Variants in RNFT2 observed in about 807,000 individuals in gnomAD.
The protein encoded by RNFT2 is ring finger protein, transmembrane 2, also known as E3 ubiquitin-protein ligase RNFT2.
RNFT2 carries 36 observed loss-of-function variants against 53.0 expected under a neutral mutation model. The ratio of observed to expected loss-of-function variants is 0.68; its 90% confidence interval spans 0.52 to 0.90. RNFT2 has a LOEUF of 0.90. RNFT2 is among the 40% of genes least tolerant of loss of function. The pLI, the probability that RNFT2 is intolerant of heterozygous loss-of-function variation, is 0.00. For missense variants in RNFT2, 514 were observed against 585.6 expected (o/e 0.88, Z 1.26); for synonymous variants, 260 against 253.2 (o/e 1.03, Z -0.26).
chr12:116,842,714 C>G (rs2137219441), intron 10 of RNFT2, among the ~76,000 whole-genome samples: 1 of 152,260 alleles, frequency 6.6e-6, no homozygotes, highest in African/African-American at 2.4e-5. Flanking sequence ...GCTTGGATTA[C>G]AGGCACCCAC....
chr12:116,748,418 C>T (rs1046886457), intron 3 of RNFT2, among the ~76,000 whole-genome samples: 2 of 152,174 alleles, frequency 1.3e-5, no homozygotes, highest in Non-Finnish European at 2.9e-5. Flanking sequence ...TATGGCACTG[C>T]AGGTCTTCCA....
intron 6 of RNFT2, 71 bp from the exon 7 acceptor site, chr12:116,779,124 T>C: frequency 6.5e-7 from 1 of 1,530,308 alleles, no homozygotes; most frequent in Non-Finnish European, 9.0e-7. Context: ...AGAAGGCTCC[T>C]GAGTGAGTAG....
chr12:116,805,387 G>GACT (rs1363210750), intron 7 of RNFT2, among the ~76,000 whole-genome samples: 1 of 152,110 alleles, frequency 6.6e-6, no homozygotes, highest in Non-Finnish European at 1.5e-5. Context: ...TGCCTTGTAG[G>GACT]ACTGCAGGGG....
At position 116,849,246 on chromosome 12, in the gene RNFT2, C is replaced by T. The variant is rs1003609544; in HGVS notation, c.1201-68C>T. ...GTCTGTCTAGTCCGCTGCCCCTTCT[C>T]CTGCTCCCGAGACCGAGGCAGACGC... On this transcript the variant is annotated intron_variant, in intron 10 of 10. Transcript: ENST00000257575. 6.6e-6 allele frequency: 9 copies of T among 1,358,488 alleles called. No homozygotes were observed. In the Admixed American group the frequency reaches 1.0e-4, roughly 16 times the overall value. 84.2% of individuals were successfully genotyped at this position (1,358,488 alleles called of 1,614,324 possible).
At chr12:116,779,373 G>A (rs1873588322) in intron 7 of RNFT2, 25 bp downstream of exon 7, 1 of 1,613,420 alleles carries the variant, frequency 6.2e-7, no homozygotes, top group South Asian at 1.1e-5. Context: ...CGGCCACAAG[G>A]TAGCCCCAGT....
Position 116,852,302 on chromosome 12 carries a change from G to T in RNFT2, c.*2854G>T. The T allele has an allele frequency of 9.6e-6, 12 of 1,249,222 alleles. No individual in the cohort carries two copies. Among genetic ancestry groups the T allele is most frequent in the Non-Finnish European group, 1.2e-5 (12 of 991,500 alleles). 77.4% of individuals were successfully genotyped at this position (1,249,222 alleles called of 1,614,324 possible). ...TTTGTAGCCACCTCGCTGTCAGCCA[G>T]TATTAACATGTCCCCTTCCCCCTGC... On this transcript the variant is annotated 3_prime_UTR_variant, in exon 11 of 11. Coordinates refer to ENST00000257575, the MANE Select transcript of RNFT2 (RefSeq NM_001382266.1).
At chr12:116,789,440 AGATGGATGGATG>A (rs200853523) in intron 7 of RNFT2, among the ~76,000 whole-genome samples, 2 of 126,882 alleles carry the variant, frequency 1.6e-5, no homozygotes, top group Non-Finnish European at 3.2e-5. Context: ...GATGGATGGT[AGATGGATGGATG>A]GATGGATGGA....
chr12:116,844,618 C>G (rs891381726), intron 10 of RNFT2, among the ~76,000 whole-genome samples: 3 of 152,152 alleles, frequency 2.0e-5, no homozygotes, highest in African/African-American at 7.2e-5. Context: ...ATTTAAACCA[C>G]ATAGACAAAA....
chr12:116,740,842 C>G (rs1028359544), intron 2 of RNFT2, 194 bp from the exon 3 acceptor site: 3 of 637,880 alleles, frequency 4.7e-6, no homozygotes, highest in Non-Finnish European at 2.8e-6. Context: ...GGGGTGATAG[C>G]TTTCCTCATG....
chr12:116,775,924 T>C (rs1378275076), intron 6 of RNFT2, among the ~76,000 whole-genome samples: 1 of 151,882 alleles, frequency 6.6e-6, no homozygotes, highest in African/African-American at 2.4e-5. Context: ...GCATCTGTAA[T>C]CCCAGCTACT....
chr12:116,773,946 A>G (rs1456498469), intron 6 of RNFT2, among the ~76,000 whole-genome samples: 1 of 152,252 alleles, frequency 6.6e-6, no homozygotes, highest in African/African-American at 2.4e-5. Context: ...ATGTACATAC[A>G]GTGGAATATT....
chr12:116,847,663 G>A (rs1259166717), intron 10 of RNFT2, among the ~76,000 whole-genome samples: 1 of 151,976 alleles, frequency 6.6e-6, no homozygotes, highest in Non-Finnish European at 1.5e-5. Context: ...GAGTAGCTGG[G>A]ATTACAGGCA....
chr12:116,803,690 T>G (rs1178286800), intron 7 of RNFT2, among the ~76,000 whole-genome samples: 2 of 152,214 alleles, frequency 1.3e-5, no homozygotes, highest in African/African-American at 4.8e-5. Flanking sequence ...GCTTCTTCCA[T>G]GGAATGAAAT....
intron 7 of RNFT2, among the ~76,000 whole-genome samples, chr12:116,814,382 C>T (rs939505368): frequency 2.6e-5 from 4 of 151,540 alleles, no homozygotes; most frequent in Non-Finnish European, 2.9e-5. Flanking sequence ...GTTTGCAGGG[C>T]GGGGAAGGGA....
chr12:116,756,006 C>T, intron 5 of RNFT2: 1 of 627,974 alleles, frequency 1.6e-6, no homozygotes, highest in Non-Finnish European at 2.8e-6. Context: ...TGTGATGCCT[C>T]CAGCTTTTTC....
At chr12:116,746,697 G>A (rs994732296) in intron 3 of RNFT2, among the ~76,000 whole-genome samples, 3 of 152,134 alleles carry the variant, frequency 2.0e-5, no homozygotes, top group African/African-American at 4.8e-5. Context: ...AATCCAGGGC[G>A]CCTGGCAACT....
intron 5 of RNFT2, among the ~76,000 whole-genome samples, chr12:116,765,944 C>T (rs946018726): frequency 1.3e-5 from 2 of 152,148 alleles, no homozygotes; most frequent in South Asian, 2.1e-4. Context: ...TCAGTCCTAC[C>T]CCTTAGCAAG....
chr12:116,745,490 AC>A (rs1268099847), intron 3 of RNFT2, among the ~76,000 whole-genome samples: 1 of 151,532 alleles, frequency 6.6e-6, no homozygotes, highest in African/African-American at 2.4e-5. Flanking sequence ...CAAACTCCTG[AC>A]CTCAAGTGAT....
intron 8 of RNFT2, 23 bp from the exon 9 acceptor site, chr12:116,835,936 GC>G: frequency 6.2e-7 from 1 of 1,613,860 alleles, no homozygotes; most frequent in Non-Finnish European, 8.5e-7. Context: ...GTACATTTCA[GC>G]CACCACCCTG....
Sources: gnomAD v4.1 joint callset for allele counts (sites outside exome capture counted in the v4.1 genomes callset) on GRCh38, gnomAD v4.1.1 for gene constraint, MANE v1.5 for transcripts, NCBI Gene and HGNC (gene_info 2026-07-23, HGNC 2026-07-21) for gene names.